The following ELMO1 variants were observed in gnomAD, a reference collection of about 807,000 sequenced individuals.
ELMO1 encodes engulfment and cell motility 1, also known as engulfment and cell motility protein 1.
Under a neutral mutation model 98.9 loss-of-function variants are expected in ELMO1, and 26 were observed. The observed-to-expected ratio is 0.26, with a 90% CI of 0.19 to 0.36. ELMO1 has a LOEUF of 0.36. ELMO1 is among the 10% of genes least tolerant of loss of function. The pLI is 1.00. For missense variants in ELMO1, 627 were observed against 935.2 expected (o/e 0.67, Z 4.30); for synonymous variants, 346 against 346.0 (o/e 1.00, Z 0.00).
rs151113262 is a variant in ELMO1, at chr7:36,893,465, C to T, written c.1601+1389G>A. On this transcript the variant is annotated intron_variant, in intron 17 of 21. Coordinates refer to ENST00000310758, the MANE Select transcript of ELMO1 (RefSeq NM_014800.11). The stretch of plus-strand genomic sequence containing the variant: ...GTTTTGCAATGATGAAGCCAAAGCG[C>T]CTTGGAAGCATTTTCCCTGCCCCGC... 5.3e-5 allele frequency among the ~76,000 whole-genome samples: 8 copies of T among 152,304 alleles called. No individual in the cohort carries two copies. In the East Asian group the frequency reaches 1.2e-3, roughly 22 times the overall value.
At chr7:36,949,798 T>C (rs1440859606) in intron 16 of ELMO1, among the ~76,000 whole-genome samples, 1 of 151,954 alleles carries the variant, frequency 6.6e-6, no homozygotes, top group East Asian at 1.9e-4. Context: ...AGTGCCCTCC[T>C]CCACCACCCC....
At position 37,182,465 on chromosome 7, in the gene ELMO1, T is replaced by TCC. The variant is rs754897749; in HGVS notation, c.1086+28920_1086+28921insGG. The stretch of plus-strand genomic sequence containing the variant: ...TCATGAGTGCTCTTGTGCTCTACTT[T>TCC]TTTTTTTTTTTTTTTTTTTTTTTGA... On this transcript the variant is annotated intron_variant, in intron 13 of 21. Transcript: ENST00000310758. Among the ~76,000 whole-genome samples, 6 of 100,556 alleles carry TCC rather than the reference T, an allele frequency of 6.0e-5. 3 individuals carry two copies. The highest frequency in any genetic ancestry group is 2.1e-4 in the Admixed American group (2 of 9,436). 66.0% of individuals were successfully genotyped at this position (100,556 alleles called of 152,430 possible).
At chr7:37,376,720 C>T (rs1016441104) in intron 1 of ELMO1, among the ~76,000 whole-genome samples, 2 of 152,246 alleles carry the variant, frequency 1.3e-5, no homozygotes, top group Non-Finnish European at 2.9e-5. Flanking sequence ...CCTCCAAGCT[C>T]TCAGAGAGGC....
intron 15 of ELMO1, among the ~76,000 whole-genome samples, chr7:37,077,629 T>G (rs1362737850): frequency 6.6e-6 from 1 of 151,906 alleles, no homozygotes; most frequent in Non-Finnish European, 1.5e-5. Context: ...AATCAGGAGA[T>G]TTAAGAAATA....
chr7:37,216,438 C>T (rs1793287467), intron 11 of ELMO1, among the ~76,000 whole-genome samples: 1 of 152,124 alleles, frequency 6.6e-6, no homozygotes. Context: ...AGAAACCCCT[C>T]CCTCCAATCC....
chr7:37,352,266 A>T (rs1297252035), intron 1 of ELMO1, among the ~76,000 whole-genome samples: 1 of 152,104 alleles, frequency 6.6e-6, no homozygotes, highest in Admixed American at 6.5e-5. Flanking sequence ...GTTCGTAACC[A>T]CTATGCCATT....
chr7:37,266,068 G>A (rs1453652768), intron 5 of ELMO1, among the ~76,000 whole-genome samples: 6 of 152,144 alleles, frequency 3.9e-5, no homozygotes, highest in South Asian at 4.2e-4. Context: ...TGCCCTGGCC[G>A]CCCCTGCAAT....
chr7:36,912,822 A>G (rs181782486), intron 16 of ELMO1, among the ~76,000 whole-genome samples: 8 of 152,328 alleles, frequency 5.3e-5, no homozygotes, highest in East Asian at 1.9e-4. Flanking sequence ...ATAGTTACGA[A>G]TATTAAATTA....
intron 14 of ELMO1, among the ~76,000 whole-genome samples, chr7:37,130,579 G>A (rs894349306): frequency 1.3e-5 from 2 of 152,214 alleles, no homozygotes; most frequent in Admixed American, 6.5e-5. Context: ...TGGCAATACA[G>A]CTTCCAGAAA....
intron 6 of ELMO1, among the ~76,000 whole-genome samples, chr7:37,246,053 C>G (rs2130717798): frequency 6.6e-6 from 1 of 152,272 alleles, no homozygotes; most frequent in East Asian, 1.9e-4. Context: ...TGTAACGACT[C>G]TCACTATGGC....
chr7:37,297,354 C>T lies in ELMO1; in HGVS notation c.192+17496G>A, dbSNP rs114575107. 3.2e-3 allele frequency among the ~76,000 whole-genome samples: 489 copies of T among 152,154 alleles called. 1 individual carries two copies. Among genetic ancestry groups the T allele is most frequent in the African/African-American group, 0.011 (472 of 41,500 alleles). On this transcript the variant is annotated intron_variant, in intron 4 of 21. Coordinates refer to ENST00000310758, the MANE Select transcript of ELMO1 (RefSeq NM_014800.11). Reference sequence around the variant, plus strand: ...TAATATAAAAGATCTTATTTCAGTTCCAATTCCGGCATTCAGAAGCTATGT... The same window carrying T: ...TAATATAAAAGATCTTATTTCAGTTTCAATTCCGGCATTCAGAAGCTATGT...
intron 16 of ELMO1, among the ~76,000 whole-genome samples, chr7:36,956,549 A>T (rs1788461478): frequency 6.6e-6 from 1 of 152,236 alleles, no homozygotes; most frequent in African/African-American, 2.4e-5. Context: ...TGCATATAAA[A>T]AAAAGGTCAC....
At position 37,126,300 on chromosome 7, in the gene ELMO1, A is replaced by AT. The variant is rs1786513186; in HGVS notation, c.1191+6829_1191+6830insA. ...ACCCTAGAACTTAAAGTATAATTTA[A>AT]ATATATATATATATATATATATATA... On this transcript the variant is annotated intron_variant, in intron 14 of 21. Transcript: ENST00000310758. Among the ~76,000 whole-genome samples, 8 of 134,128 alleles carry AT rather than the reference A, an allele frequency of 6.0e-5. 1 individual carries two copies. The highest frequency in any genetic ancestry group is 2.1e-4 in the African/African-American group (8 of 38,098). 88.0% of individuals were successfully genotyped at this position (134,128 alleles called of 152,430 possible). A position where few individuals can be genotyped will look rare whatever the true frequency, so the allele number is the denominator to read the frequency against.
chr7:37,125,623 C>T (rs1295390323), intron 14 of ELMO1, among the ~76,000 whole-genome samples: 2 of 152,172 alleles, frequency 1.3e-5, no homozygotes, highest in Non-Finnish European at 2.9e-5. Flanking sequence ...GTTAGAATGG[C>T]AATCATTAAA....
chr7:36,979,204 A>G (rs1250669840), intron 16 of ELMO1, among the ~76,000 whole-genome samples: 1 of 152,230 alleles, frequency 6.6e-6, no homozygotes, highest in Non-Finnish European at 1.5e-5. Context: ...GAGCAGAACT[A>G]GACATTCTGT....
chr7:37,194,956 T>C (rs1791875582), intron 13 of ELMO1, among the ~76,000 whole-genome samples: 1 of 152,248 alleles, frequency 6.6e-6, no homozygotes, highest in South Asian at 2.1e-4. Flanking sequence ...ACTTACCATA[T>C]GCCTATCCAG....
chr7:37,008,928 A>C (rs1301112569), intron 16 of ELMO1, among the ~76,000 whole-genome samples: 1 of 152,214 alleles, frequency 6.6e-6, no homozygotes, highest in Non-Finnish European at 1.5e-5. Flanking sequence ...CCGATGATTT[A>C]ATTAATCTGT....
At chr7:37,226,920 T>C (rs1013868652) in intron 8 of ELMO1, among the ~76,000 whole-genome samples, 3 of 152,130 alleles carry the variant, frequency 2.0e-5, no homozygotes, top group Non-Finnish European at 4.4e-5. Flanking sequence ...TCAAGGACCT[T>C]ACAGTCTAGT....
intron 10 of ELMO1, among the ~76,000 whole-genome samples, chr7:37,218,993 T>C (rs764762683): frequency 8.5e-5 from 13 of 152,240 alleles, no homozygotes; most frequent in Admixed American, 7.2e-4. Context: ...GCCATTGAAA[T>C]AGTGAACTGA....
Sources: gnomAD v4.1 joint callset for allele counts (sites outside exome capture counted in the v4.1 genomes callset) on GRCh38, gnomAD v4.1.1 for gene constraint, MANE v1.5 for transcripts, NCBI Gene and HGNC (gene_info 2026-07-23, HGNC 2026-07-21) for gene names.